Variants in ANKRD31 observed in about 807,000 individuals in gnomAD.
ANKRD31 encodes ankyrin repeat domain 31, also known as ankyrin repeat domain-containing protein 31.
A neutral mutation model predicts 186.0 loss-of-function variants in ANKRD31; 147 were observed. That is an observed-to-expected ratio of 0.79 (90% CI 0.69 to 0.91). ANKRD31 has a LOEUF of 0.91. Ranked by LOEUF, ANKRD31 falls within the 40% of genes least tolerant of loss-of-function variation. The probability of loss-of-function intolerance (pLI) is 0.00; values close to 1 mark genes in which losing one functional copy is unlikely to be tolerated. For missense variants in ANKRD31, 1,986 were observed against 2,148.8 expected (o/e 0.92, Z 1.50); for synonymous variants, 673 against 736.4 (o/e 0.91, Z 1.39).
Position 75,104,680 on chromosome 5 carries a change from C to A in ANKRD31, c.4879G>T (p.Asp1627Tyr). Residue 1627 changes from aspartate (D) to tyrosine (Y), a missense_variant, in exon 22 of 26, where the codon GAC (aspartate) becomes TAC (tyrosine). By Grantham distance (160) the Asp-to-Tyr change is radical. Transcript: ENST00000506364. ...GAAACATAGAATTCATGGTCTTTGT[C>A]TGTAGCTTCTGTAAGATCATTCTCT... ...QKENDLTEAT[D>Y]KDHEFYVSSP... 1 of 1,536,260 alleles carries A rather than the reference C, an allele frequency of 6.5e-7. No homozygotes were observed. The highest frequency in any genetic ancestry group is 8.7e-7 in the Non-Finnish European group (1 of 1,146,554).
intron 15 of ANKRD31, among the ~76,000 whole-genome samples, chr5:75,143,797 A>G (rs1751228029): frequency 6.6e-6 from 1 of 152,210 alleles, no homozygotes; most frequent in African/African-American, 2.4e-5. Context: ...AGTCATAGAA[A>G]GAAGTATGAC....
intron 1 of ANKRD31, among the ~76,000 whole-genome samples, chr5:75,235,517 C>T (rs1248018788): frequency 6.6e-6 from 1 of 152,034 alleles, no homozygotes; most frequent in African/African-American, 2.4e-5. Flanking sequence ...CAGCTTTGAA[C>T]CATCCAGTGG....
intron 10 of ANKRD31, among the ~76,000 whole-genome samples, chr5:75,186,138 C>A (rs1754698104): frequency 1.3e-5 from 2 of 152,120 alleles, no homozygotes; most frequent in Non-Finnish European, 2.9e-5. Flanking sequence ...AAAACCACCC[C>A]TCCAAAATAA....
At chr5:75,094,306 A>G (rs1746149842) in intron 22 of ANKRD31, among the ~76,000 whole-genome samples, 1 of 152,230 alleles carries the variant, frequency 6.6e-6, no homozygotes, top group Non-Finnish European at 1.5e-5. Context: ...TTTAAAAGTC[A>G]CAAAATTTTA....
intron 10 of ANKRD31, among the ~76,000 whole-genome samples, chr5:75,177,588 TAAAG>T (rs1561507629): frequency 1.3e-5 from 2 of 152,106 alleles, no homozygotes; most frequent in African/African-American, 4.8e-5. Context: ...TCAACATTCT[TAAAG>T]AAAAGAATTT....
chr5:75,083,950 A>G (rs538944317), intron 24 of ANKRD31, among the ~76,000 whole-genome samples: 53 of 152,362 alleles, frequency 3.5e-4, no homozygotes, highest in African/African-American at 1.2e-3. Context: ...TGATATATTC[A>G]GAATAAGTAA....
In ANKRD31 at chr5:75,095,612, T is replaced by C. The variant is rs1269939964; in HGVS notation, c.5332-4211A>G. On this transcript the variant is annotated intron_variant, in intron 22 of 25. Transcript: ENST00000506364. ...ATCCTTTTGTCAAGAGTAATCACACTGCATATGCTACCTGCCCATCAGTCA... is the reference window on the plus strand; with the variant it reads ...ATCCTTTTGTCAAGAGTAATCACACCGCATATGCTACCTGCCCATCAGTCA... Among the ~76,000 whole-genome samples, 3 of 152,334 alleles carry C rather than the reference T, an allele frequency of 2.0e-5. No homozygotes were observed. The East Asian group carries it at 5.8e-4, about 29-fold the overall frequency.
rs747410447 is a variant in ANKRD31 at position 75,068,328 on chromosome 5, A to G, written c.*191T>C. On this transcript the variant is annotated 3_prime_UTR_variant, in exon 26 of 26. Transcript: ENST00000506364. ...CTAGTTCAAATGTGCCTTTATTTCA[A>G]TGGCAAAAAAGCATTAATCTTATAT... The G allele has an allele frequency of 3.5e-4, 170 of 492,478 alleles. 1 individual carries two copies. The highest frequency in any genetic ancestry group is 4.9e-4 in the Non-Finnish European group (152 of 311,106). 30.5% of individuals were successfully genotyped at this position (492,478 alleles called of 1,614,324 possible).
intron 10 of ANKRD31, among the ~76,000 whole-genome samples, chr5:75,170,865 G>A (rs1753262605): frequency 6.6e-6 from 1 of 151,990 alleles, no homozygotes; most frequent in African/African-American, 2.4e-5. Flanking sequence ...TCAAGATAAA[G>A]TATATTACCA....
chr5:75,138,079 T>C, intron 16 of ANKRD31, 81 bp from the exon 17 acceptor site: 1 of 1,249,186 alleles, frequency 8.0e-7, no homozygotes, highest in Non-Finnish European at 1.0e-6. Context: ...TAAGGTTTTG[T>C]TGCATTAATG....
chr5:75,109,431 T>C (rs1425582521), intron 20 of ANKRD31, among the ~76,000 whole-genome samples: 1 of 152,146 alleles, frequency 6.6e-6, no homozygotes, highest in East Asian at 1.9e-4. Context: ...AGGGTGAGTC[T>C]GAAAAAAGAT....
intron 3 of ANKRD31, among the ~76,000 whole-genome samples, chr5:75,219,377 C>A (rs1036282979): frequency 1.3e-5 from 2 of 152,030 alleles, no homozygotes; most frequent in African/African-American, 4.8e-5. Context: ...GTAACACAGT[C>A]CCATTCACAA....
At chr5:75,089,350 T>C (rs1485111621) in intron 23 of ANKRD31, among the ~76,000 whole-genome samples, 1 of 152,186 alleles carries the variant, frequency 6.6e-6, no homozygotes, top group Non-Finnish European at 1.5e-5. Flanking sequence ...ACCTACTGGC[T>C]CTGTCACTCT....
intron 17 of ANKRD31, 137 bp downstream of exon 17, chr5:75,137,719 A>C (rs1481790132): frequency 2.8e-6 from 2 of 720,368 alleles, no homozygotes; most frequent in African/African-American, 3.6e-5. Context: ...TTGTATCTTC[A>C]TTTGTAATTT....
chr5:75,196,175 G>T lies in ANKRD31; in HGVS notation c.473C>A (p.Pro158His). 6.7e-7 allele frequency: 1 copy of T among 1,487,366 alleles called. No individual in the cohort carries two copies. Among genetic ancestry groups the T allele is most frequent in the Non-Finnish European group, 8.9e-7 (1 of 1,126,658 alleles). 92.1% of individuals were successfully genotyped at this position (1,487,366 alleles called of 1,614,324 possible). A position where few individuals can be genotyped will look rare whatever the true frequency, so the allele number is the denominator to read the frequency against. The change falls in exon 7 of 26, where the codon CCT (proline) becomes CAT (histidine). Residue 158 changes from proline to histidine, a missense_variant. Physicochemically the swap from Pro to His is moderately conservative, Grantham distance 77. Coordinates refer to ENST00000506364, the MANE Select transcript of ANKRD31 (RefSeq NM_001372053.1). The stretch of plus-strand genomic sequence containing the variant: ...AGTGCCTGAGAGAAGGCTAACTTCA[G>T]GAGAATCTCTGCCTTCACTTAGTTC... ...EKELSEGRDS[P>H]EVSLLSGTAI...
intron 11 of ANKRD31, among the ~76,000 whole-genome samples, chr5:75,159,242 C>A (rs4703656): frequency 0.11 from 16,083 of 151,904 alleles, 865 homozygotes; most frequent in East Asian, 0.14. Context: ...AAATATAGGG[C>A]ACCATTAAGC....
At chr5:75,209,625 C>G (rs1296301246) in intron 4 of ANKRD31, among the ~76,000 whole-genome samples, 1 of 151,836 alleles carries the variant, frequency 6.6e-6, no homozygotes, top group Admixed American at 6.6e-5. Context: ...TGCAGTGACC[C>G]GAGATCACAC....
intron 17 of ANKRD31, among the ~76,000 whole-genome samples, chr5:75,131,752 C>T (rs1178777450): frequency 6.6e-6 from 1 of 152,130 alleles, no homozygotes; most frequent in Non-Finnish European, 1.5e-5. Context: ...AACTAGGAGG[C>T]ACCTCCCATT....
chr5:75,133,926 A>G (rs11722321), intron 17 of ANKRD31, among the ~76,000 whole-genome samples: 1 of 152,200 alleles, frequency 6.6e-6, no homozygotes, highest in East Asian at 1.9e-4. Flanking sequence ...CTGGGTACAT[A>G]ACGAAATGAA....
Sources: gnomAD v4.1 joint callset for allele counts (sites outside exome capture counted in the v4.1 genomes callset) on GRCh38, gnomAD v4.1.1 for gene constraint, MANE v1.5 for transcripts, NCBI Gene and HGNC (gene_info 2026-07-23, HGNC 2026-07-21) for gene names.